The following CASQ2 variants were observed in gnomAD, a reference collection of about 807,000 sequenced individuals.
CASQ2 encodes the protein calsequestrin-2.
A neutral mutation model predicts 46.5 loss-of-function variants in CASQ2; 49 were observed. The ratio of observed to expected loss-of-function variants is 1.05; its 90% CI spans 0.84 to 1.34. The LOEUF (loss-of-function observed/expected upper bound fraction) is 1.34, where lower values mean the gene tolerates loss of function less well. Ranked by LOEUF, CASQ2 falls within the 40% of genes most tolerant of loss-of-function variation. The pLI is 0.00. For synonymous variants in CASQ2, 174 were observed against 168.5 expected (o/e 1.03, Z -0.25); for missense variants, 486 against 481.3 (o/e 1.01, Z -0.09).
chr1:115,704,938 C>T (rs886541227), intron 9 of CASQ2, among the ~76,000 whole-genome samples: 4 of 152,252 alleles, frequency 2.6e-5, no homozygotes, highest in African/African-American at 9.6e-5. Context: ...GGAGTTTACC[C>T]TGCTCACTTG....
intron 1 of CASQ2, among the ~76,000 whole-genome samples, chr1:115,761,505 G>A (rs1474744648): frequency 1.0e-5 from 1 of 98,516 alleles, no homozygotes; most frequent in African/African-American, 3.9e-5. Context: ...AGGAGAAGAA[G>A]AAGAAGAAGA....
chr1:115,749,412 T>C (rs556877659), intron 1 of CASQ2, among the ~76,000 whole-genome samples: 54 of 152,326 alleles, frequency 3.5e-4, no homozygotes, highest in African/African-American at 1.3e-3. Flanking sequence ...GATTCTTTTT[T>C]CCCGATTCCC....
chr1:115,727,047 G>C lies in CASQ2; in HGVS notation c.682C>G (p.Pro228Ala). 1 of 1,613,544 alleles carries C rather than the reference G, an allele frequency of 6.2e-7. No individual in the cohort carries two copies. Among genetic ancestry groups the C allele is most frequent in the Non-Finnish European group, 8.5e-7 (1 of 1,179,572 alleles). The change falls in exon 6 of 11, where the codon CCC becomes GCC. Residue 228 changes from proline to alanine, a missense_variant. By Grantham distance (27) the Pro-to-Ala change is conservative (BLOSUM62 -1). Transcript: ENST00000261448. ...TCCTCTTCTGTGTAAGGTTTGTTGG[G>C]GATGGCAATGGGCTCATCCATAAAT... is the stretch of plus-strand genomic sequence containing the variant. ...EPFMDEPIAI[P>A]NKPYTEEELV...
intron 2 of CASQ2, 152 bp from the exon 3 acceptor site, chr1:115,740,980 C>T (rs1648156685): frequency 4.4e-5 from 30 of 676,244 alleles, no homozygotes; most frequent in Non-Finnish European, 7.7e-5. Flanking sequence ...CTTGAAATAA[C>T]ACTTTTGAAG....
intron 8 of CASQ2, among the ~76,000 whole-genome samples, chr1:115,710,690 C>T (rs1033370548): frequency 2.6e-5 from 4 of 152,118 alleles, no homozygotes; most frequent in Non-Finnish European, 4.4e-5. Context: ...GATGGGTTGG[C>T]TAACTCAGGG....
chr1:115,722,524 T>C (rs932046042), intron 7 of CASQ2, among the ~76,000 whole-genome samples: 7 of 152,116 alleles, frequency 4.6e-5, no homozygotes, highest in African/African-American at 1.7e-4. Flanking sequence ...GATACTGCTA[T>C]GACAGGAAGG....
At chr1:115,705,048 C>G (rs1300206820) in intron 9 of CASQ2, 144 bp downstream of exon 9, 1 of 710,724 alleles carries the variant, frequency 1.4e-6, no homozygotes, top group African/African-American at 1.7e-5. Flanking sequence ...AATACTGCCC[C>G]AAGGGCCAAG....
intron 2 of CASQ2, among the ~76,000 whole-genome samples, chr1:115,744,009 T>G (rs1648295789): frequency 6.7e-6 from 1 of 150,256 alleles, no homozygotes; most frequent in Admixed American, 6.6e-5. Context: ...CTGAGCGTGG[T>G]GGCGTGTGAC....
intron 2 of CASQ2, among the ~76,000 whole-genome samples, chr1:115,743,168 A>G (rs190258384): frequency 1.3e-5 from 2 of 152,246 alleles, no homozygotes; most frequent in East Asian, 3.9e-4. Context: ...TCTCCAGGGA[A>G]AGAGACATCC....
intron 7 of CASQ2, among the ~76,000 whole-genome samples, chr1:115,724,216 G>A (rs1647489367): frequency 6.6e-6 from 1 of 152,202 alleles, no homozygotes; most frequent in African/African-American, 2.4e-5. Flanking sequence ...AAGAACTAAT[G>A]GTTTTTAGTT....
intron 5 of CASQ2, among the ~76,000 whole-genome samples, chr1:115,729,451 G>T (rs1332074794): frequency 6.6e-6 from 1 of 152,162 alleles, no homozygotes; most frequent in Non-Finnish European, 1.5e-5. Flanking sequence ...TAAGTATTTA[G>T]TGGGGCCTAC....
intron 2 of CASQ2, among the ~76,000 whole-genome samples, chr1:115,744,508 G>C (rs544639248): frequency 2.0e-5 from 3 of 152,354 alleles, no homozygotes; most frequent in Admixed American, 6.5e-5. Flanking sequence ...ACAGTGGTGA[G>C]ATAAGAGAAG....
At chr1:115,701,928 T>C (rs1267082860) in intron 10 of CASQ2, among the ~76,000 whole-genome samples, 1 of 140,294 alleles carries the variant, frequency 7.1e-6, no homozygotes, top group Non-Finnish European at 1.6e-5. Context: ...CATTCTTTTT[T>C]ATTTTTTTTT....
chr1:115,753,881 G>A (rs1489217152), intron 1 of CASQ2, among the ~76,000 whole-genome samples: 1 of 150,224 alleles, frequency 6.7e-6, no homozygotes, highest in Non-Finnish European at 1.5e-5. Flanking sequence ...TTTCTGCAGG[G>A]CCAAGAATCT....
chr1:115,703,748 A>C (rs1482490526), intron 9 of CASQ2, among the ~76,000 whole-genome samples: 1 of 152,092 alleles, frequency 6.6e-6, no homozygotes, highest in Non-Finnish European at 1.5e-5. Flanking sequence ...TTGTCTCTAC[A>C]AGAAATTTTA....
chr1:115,705,332 T>TA, intron 8 of CASQ2, 40 bp from the exon 9 acceptor site: 2 of 1,284,610 alleles, frequency 1.6e-6, no homozygotes, highest in Non-Finnish European at 2.3e-6. Context: ...CCCCTGCACA[T>TA]ACACAGCTTC....
At chr1:115,753,358 G>C (rs1266768950) in intron 1 of CASQ2, among the ~76,000 whole-genome samples, 1 of 152,136 alleles carries the variant, frequency 6.6e-6, no homozygotes, top group African/African-American at 2.4e-5. Flanking sequence ...AAAGGATCCT[G>C]GTGTAGTGAC....
chr1:115,753,439 G>A (rs1472623116), intron 1 of CASQ2, among the ~76,000 whole-genome samples: 1 of 152,198 alleles, frequency 6.6e-6, no homozygotes, highest in South Asian at 2.1e-4. Flanking sequence ...GGACCCCCAT[G>A]AGGCCTCTCA....
intron 1 of CASQ2, among the ~76,000 whole-genome samples, chr1:115,765,049 CCAGTAAATTCCTACTCATTTCA>C (rs1327581249): frequency 6.6e-6 from 1 of 152,162 alleles, no homozygotes; most frequent in Non-Finnish European, 1.5e-5. Flanking sequence ...TGCTGTTTTG[CCAGTAAATTCCTACTCATTTCA>C]CAAACCAACT....
Sources: allele counts gnomAD v4.1 joint callset (sites outside exome capture counted in the v4.1 genomes callset), GRCh38; gene constraint gnomAD v4.1.1; transcripts MANE v1.5; gene names NCBI Gene and HGNC (gene_info 2026-07-23, HGNC 2026-07-21).